TTC9C: variants seen among roughly 807,000 people sequenced by gnomAD.
The protein encoded by TTC9C is tetratricopeptide repeat protein 9C.
A neutral mutation model predicts 22.5 loss-of-function variants in TTC9C; 15 were observed. The ratio of observed to expected loss-of-function variants is 0.67; its 90% confidence interval spans 0.45 to 1.03. The LOEUF (loss-of-function observed/expected upper bound fraction) is 1.03. Ranked by LOEUF, TTC9C falls within the 50% of genes least tolerant of loss-of-function variation. The pLI, the probability that TTC9C is intolerant of heterozygous loss-of-function variation, is 0.00. For missense variants in TTC9C, 244 were observed against 214.6 expected, an observed-to-expected ratio of 1.14 and a Z score of -0.86; for synonymous variants, 92 against 86.8, an observed-to-expected ratio of 1.06 and a Z score of -0.33.
chr11:62,733,169 A>G (rs1015827558), intron 1 of TTC9C: 3 of 1,287,238 alleles, frequency 2.3e-6, no homozygotes, highest in South Asian at 1.2e-5. Flanking sequence ...CAGAACATTG[A>G]CCTGAATTGC....
chr11:62,738,450 G>T lies in TTC9C; in HGVS notation c.*68G>T. ...TTAAACATGCATGAAGGAGAAATCT[G>T]AGCCTCAGCAAGAGAAATTAACCCT... On this transcript the variant is annotated 3_prime_UTR_variant, in exon 3 of 3. Transcript: ENST00000316461. 1 of 1,158,330 alleles carries T rather than the reference G, an allele frequency of 8.6e-7. No individual in the cohort carries two copies. The highest frequency in any genetic ancestry group is 1.3e-6 in the Non-Finnish European group (1 of 790,894). The allele number at this position is 1,158,330 out of a possible 1,614,324, so 71.8% of individuals were successfully genotyped here.
At chr11:62,737,465 T>C (rs1035988132) in intron 2 of TTC9C, among the ~76,000 whole-genome samples, 22 of 152,178 alleles carry the variant, frequency 1.4e-4, no homozygotes, top group Admixed American at 3.9e-4. Flanking sequence ...CTGTGTTGGT[T>C]GGTTGAGCAC....
Position 62,729,104 on chromosome 11 carries a change from G to A in TTC9C, c.238+18G>A. ...TCTAGCTGGTAAGAACGGGGCTAAAGGGTGGCTAGAGAGCATTAAGACAGG... is the reference window on the plus strand; with the variant it reads ...TCTAGCTGGTAAGAACGGGGCTAAAAGGTGGCTAGAGAGCATTAAGACAGG... On this transcript the variant is annotated intron_variant, in intron 1 of 2. Coordinates refer to ENST00000316461, the MANE Select transcript of TTC9C (RefSeq NM_173810.4). The A allele has an allele frequency of 1.2e-6, 2 of 1,607,728 alleles. No individual in the cohort carries two copies. The highest frequency in any genetic ancestry group is 1.7e-6 in the Non-Finnish European group (2 of 1,174,590).
rs374279216 is a variant in TTC9C, at chr11:62,728,619, C to A, written c.-230C>A. The A allele has an allele frequency of 1.1e-5, 7 of 662,088 alleles. No homozygotes were observed. The highest frequency in any genetic ancestry group is 9.0e-5 in the South Asian group (6 of 66,406). The allele number at this position is 662,088 out of a possible 1,614,324, so 41.0% of individuals were successfully genotyped here. A position where few individuals can be genotyped will look rare whatever the true frequency, so the allele number is the denominator to read the frequency against. The stretch of plus-strand genomic sequence containing the variant: ...TGTTGGGCTTCATTATTCCCACATC[C>A]CTTTCCTTACTACTTGCCTGCACTT... On this transcript the variant is annotated 5_prime_UTR_variant, in exon 1 of 3. Coordinates refer to ENST00000316461, the MANE Select transcript of TTC9C (RefSeq NM_173810.4).
intron 1 of TTC9C, among the ~76,000 whole-genome samples, chr11:62,733,687 C>CT (rs767985841): frequency 4.5e-4 from 69 of 151,750 alleles, no homozygotes; most frequent in Non-Finnish European, 8.2e-4. Context: ...CACTGCATAT[C>CT]TAATTTTATA....
At chr11:62,729,342 G>C (rs1236323531) in intron 1 of TTC9C, among the ~76,000 whole-genome samples, 1 of 151,776 alleles carries the variant, frequency 6.6e-6, no homozygotes, top group African/African-American at 2.4e-5. Context: ...TGGGTCTGAC[G>C]TGGGGCCTAT....
At chr11:62,729,450 G>A (rs2083819803) in intron 1 of TTC9C, among the ~76,000 whole-genome samples, 1 of 151,310 alleles carries the variant, frequency 6.6e-6, no homozygotes, top group South Asian at 2.1e-4. Flanking sequence ...CCAGGCTGGA[G>A]TGCACTGGCG....
chr11:62,738,600 C>T lies in TTC9C; in HGVS notation c.*218C>T. 1 of 413,428 alleles carries T rather than the reference C, an allele frequency of 2.4e-6. No homozygotes were observed. The highest frequency in any genetic ancestry group is 4.4e-6 in the Non-Finnish European group (1 of 227,576). 25.6% of individuals were successfully genotyped at this position (413,428 alleles called of 1,614,324 possible). On this transcript the variant is annotated 3_prime_UTR_variant, in exon 3 of 3. Transcript: ENST00000316461. ...TACCTTTCAATACATGTTATTGTTG[C>T]AGATATTTGGCTTGAGAAATATAAT...
intron 2 of TTC9C, chr11:62,735,772 A>G: frequency 1.2e-6 from 1 of 850,210 alleles, no homozygotes; most frequent in East Asian, 3.3e-5. Context: ...CAGTATTATT[A>G]GTTTCATGTG....
At chr11:62,729,923 G>A (rs757415930) in intron 1 of TTC9C, among the ~76,000 whole-genome samples, 5 of 151,982 alleles carry the variant, frequency 3.3e-5, no homozygotes, top group Non-Finnish European at 5.9e-5. Flanking sequence ...ATAGCTTTAG[G>A]TAATTTTGCA....
At chr11:62,734,297 CA>C (rs1051950755) in intron 1 of TTC9C, among the ~76,000 whole-genome samples, 95 of 143,118 alleles carry the variant, frequency 6.6e-4, no homozygotes, top group African/African-American at 1.7e-3. Context: ...GACTCCATCT[CA>C]AAAAAAAAAA....
At chr11:62,732,436 C>T (rs1206851766) in intron 1 of TTC9C, among the ~76,000 whole-genome samples, 2 of 151,492 alleles carry the variant, frequency 1.3e-5, no homozygotes, top group Non-Finnish European at 2.9e-5. Flanking sequence ...TGGAGAAACC[C>T]ATCTGCACTA....
At chr11:62,734,743 A>G (rs947867102) in intron 1 of TTC9C, among the ~76,000 whole-genome samples, 6 of 152,148 alleles carry the variant, frequency 3.9e-5, no homozygotes, top group Non-Finnish European at 7.3e-5. Flanking sequence ...TCAGCCTCCC[A>G]AAGTGCTAGG....
rs1325152040 is a variant in TTC9C, at chr11:62,728,991, C to G, written c.143C>G (p.Pro48Arg). The change falls in exon 1 of 3, where the codon CCG becomes CGG. Residue 48 changes from proline to arginine, a missense_variant. Transcript: ENST00000316461. ...GGTCTGGATCCGAGTCTGCCCTCTC[C>G]GTTACCTAATCTCGGACCTCAGGGC... ...LRGLDPSLPS[P>R]LPNLGPQGPA... The G allele has an allele frequency of 1.9e-6, 3 of 1,614,012 alleles. No individual in the cohort carries two copies. The highest frequency in any genetic ancestry group is 2.5e-6 in the Non-Finnish European group (3 of 1,180,022).
chr11:62,729,710 G>C (rs1328632373), intron 1 of TTC9C, among the ~76,000 whole-genome samples: 1 of 151,722 alleles, frequency 6.6e-6, no homozygotes, highest in African/African-American at 2.4e-5. Flanking sequence ...TGAGTAGCTG[G>C]GATTACAGGC....
intron 2 of TTC9C, chr11:62,736,237 A>C (rs912482135): frequency 6.0e-5 from 9 of 150,842 alleles, no homozygotes; most frequent in African/African-American, 1.2e-4. Flanking sequence ...AAAAAAAAAA[A>C]AAAAAACAGT....
Position 62,729,226 on chromosome 11 carries a change from A to G in TTC9C, c.238+140A>G, listed in dbSNP as rs967145691. On this transcript the variant is annotated intron_variant, in intron 1 of 2. Coordinates refer to ENST00000316461, the MANE Select transcript of TTC9C (RefSeq NM_173810.4). The stretch of plus-strand genomic sequence containing the variant: ...CTGCCATGAATTGGAATAACCTGTC[A>G]ATCTGTGCGGCTGTAATTAAGTTGC... The G allele has an allele frequency of 6.5e-5, 49 of 752,000 alleles. 1 individual carries two copies. The South Asian group carries it at 8.6e-4, about 13-fold the overall frequency. 46.6% of individuals were successfully genotyped at this position (752,000 alleles called of 1,614,324 possible).
In TTC9C at chr11:62,728,626, T is replaced by C. The variant is rs1251272228; in HGVS notation, c.-223T>C. 1.3e-5 allele frequency: 9 copies of C among 672,246 alleles called. No homozygotes were observed. The highest frequency in any genetic ancestry group is 1.2e-4 in the Admixed American group (6 of 48,988). The allele number at this position is 672,246 out of a possible 1,614,324, so 41.6% of individuals were successfully genotyped here. A position where few individuals can be genotyped will look rare whatever the true frequency, so the allele number is the denominator to read the frequency against. On this transcript the variant is annotated 5_prime_UTR_variant, in exon 1 of 3. Transcript: ENST00000316461. Reference sequence around the variant, plus strand: ...CTTCATTATTCCCACATCCCTTTCCTTACTACTTGCCTGCACTTCTTGAGA... The same window carrying C: ...CTTCATTATTCCCACATCCCTTTCCCTACTACTTGCCTGCACTTCTTGAGA...
intron 2 of TTC9C, 26 bp downstream of exon 2, chr11:62,735,590 TAA>T: frequency 6.3e-7 from 1 of 1,577,344 alleles, no homozygotes; most frequent in South Asian, 1.1e-5. Flanking sequence ...TTTGAAATGG[TAA>T]AGACAAAATT....
Sources: gnomAD v4.1 joint callset for allele counts (sites outside exome capture counted in the v4.1 genomes callset) on GRCh38, gnomAD v4.1.1 for gene constraint, MANE v1.5 for transcripts, NCBI Gene and HGNC (gene_info 2026-07-23, HGNC 2026-07-21) for gene names.